Variants in HIBCH observed in about 807,000 individuals in gnomAD.
HIBCH encodes 3-hydroxyisobutyryl-CoA hydrolase, mitochondrial.
HIBCH carries 50 observed loss-of-function variants against 58.2 expected under a neutral mutation model. The ratio of observed to expected loss-of-function variants is 0.86; its 90% confidence interval spans 0.68 to 1.09. The LOEUF (loss-of-function observed/expected upper bound fraction) is 1.09. Ranked by LOEUF, HIBCH falls within the 50% of genes least tolerant of loss-of-function variation. HIBCH has a pLI of 0.00. For synonymous variants in HIBCH, 151 were observed against 146.9 expected (o/e 1.03, Z -0.20); for missense variants, 450 against 449.7 (o/e 1.00, Z -0.01).
intron 2 of HIBCH, among the ~76,000 whole-genome samples, chr2:190,305,732 T>C (rs1343929741): frequency 2.6e-5 from 4 of 152,190 alleles, no homozygotes; most frequent in African/African-American, 9.7e-5. Context: ...AACTTTTCAA[T>C]AGATCTAAAA....
chr2:190,223,381 T>C (rs915914450), intron 11 of HIBCH, among the ~76,000 whole-genome samples: 7 of 152,314 alleles, frequency 4.6e-5, no homozygotes, highest in African/African-American at 1.7e-4. Context: ...ACTACATGCA[T>C]GCCACCATGC....
chr2:190,196,366 T>C lies in HIBCH; in HGVS notation c.*18-6369A>G, dbSNP rs568468489. On this transcript the variant is annotated intron_variant, in intron 1 of 1. Transcript: ENST00000399855. ...CACAATGAATTTTTCATTTCACATC[T>C]TGTACATTTCAGTTACTGATTTTCC... Among the ~76,000 whole-genome samples the C allele has an allele frequency of 2.6e-5, 4 of 152,186 alleles. No individual in the cohort carries two copies. In the South Asian group the frequency reaches 6.2e-4, roughly 24 times the overall value.
intron 11 of HIBCH, among the ~76,000 whole-genome samples, chr2:190,221,986 G>A (rs774344251): frequency 5.9e-4 from 90 of 152,266 alleles, no homozygotes; most frequent in Non-Finnish European, 1.1e-3. Context: ...CCTGGATGTC[G>A]GACAAGAACT....
intron 6 of HIBCH, among the ~76,000 whole-genome samples, chr2:190,268,405 G>C (rs1285654423): frequency 6.6e-6 from 1 of 152,146 alleles, no homozygotes; most frequent in Non-Finnish European, 1.5e-5. Flanking sequence ...CATAACATTT[G>C]AACAAAAATG....
At position 190,287,636 on chromosome 2, in the gene HIBCH, A is replaced by T; in HGVS notation, c.388T>A (p.Ser130Thr). The change falls in exon 6 of 14, where the codon TCT (serine) becomes ACT (threonine). Residue 130 changes from serine to threonine, a missense_variant and splice_region_variant. Physicochemically the swap from Ser to Thr is moderately conservative, Grantham distance 58 (BLOSUM62 1). Coordinates refer to ENST00000359678, the MANE Select transcript of HIBCH (RefSeq NM_014362.4). ...AGTGCAACATAAGGTTTCTGGCAAGAACCTGAAAGAAACAGAGCTGTAATT... is the reference window on the plus strand; with the variant it reads ...AGTGCAACATAAGGTTTCTGGCAAGTACCTGAAAGAAACAGAGCTGTAATT... ...EEYMLNNAVG[S>T]CQKPYVALIH... The T allele has an allele frequency of 6.2e-7, 1 of 1,609,922 alleles. No individual in the cohort carries two copies. The highest frequency in any genetic ancestry group is 8.5e-7 in the Non-Finnish European group (1 of 1,176,426).
At chr2:190,250,173 C>A in intron 8 of HIBCH, 1 of 337,690 alleles carries the variant, frequency 3.0e-6, no homozygotes, top group South Asian at 2.6e-5. Context: ...TTTTACTGTT[C>A]CCAGAGCATA....
At chr2:190,251,449 C>T (rs1214406014) in intron 8 of HIBCH, 7 of 379,494 alleles carry the variant, frequency 1.8e-5, no homozygotes. Flanking sequence ...AAGCAAAATA[C>T]ATCCTAAGTC....
In HIBCH at chr2:190,281,562, T is replaced by C. The variant is rs1003125504; in HGVS notation, c.438+6024A>G. Among the ~76,000 whole-genome samples, 1 of 152,222 alleles carries C rather than the reference T, an allele frequency of 6.6e-6. No homozygotes were observed. The highest frequency in any genetic ancestry group is 2.4e-5 in the African/African-American group (1 of 41,448). On this transcript the variant is annotated intron_variant, in intron 6 of 13. Transcript: ENST00000359678. The surrounding 1 kb of genome is among the most constrained non-coding windows in gnomAD (Gnocchi z 5.4). ...CCTTGAGGGTCTTTCTCCCATTGTCTTGATATTCCCTTCCATTAAGTATTA... is the reference window on the plus strand; with the variant it reads ...CCTTGAGGGTCTTTCTCCCATTGTCCTGATATTCCCTTCCATTAAGTATTA...
intron 2 of HIBCH, among the ~76,000 whole-genome samples, chr2:190,301,772 T>C (rs981686815): frequency 2.5e-4 from 38 of 152,224 alleles, no homozygotes; most frequent in African/African-American, 9.2e-4. Flanking sequence ...ATTCAGTGCC[T>C]GGTGAGACCC....
At chr2:190,208,803 C>T in intron 13 of HIBCH, 77 bp downstream of exon 13, 2 of 1,299,048 alleles carry the variant, frequency 1.5e-6, no homozygotes, top group Non-Finnish European at 2.2e-6. Context: ...GATGCATAAT[C>T]TGTATCTTCT....
At chr2:190,285,180 C>G (rs1046234112) in intron 6 of HIBCH, among the ~76,000 whole-genome samples, 5 of 152,166 alleles carry the variant, frequency 3.3e-5, no homozygotes, top group African/African-American at 1.2e-4. Context: ...CCCAGTCATC[C>G]TCCCTGTTTC....
chr2:190,261,352 A>C (rs891931167), intron 6 of HIBCH, 118 bp from the exon 7 acceptor site: 9 of 738,258 alleles, frequency 1.2e-5, no homozygotes, highest in Non-Finnish European at 2.1e-5. Context: ...ACTCCACAGG[A>C]ACTTGCTTCA....
In HIBCH at chr2:190,281,167, T is replaced by C. The variant is rs1687695743; in HGVS notation, c.438+6419A>G. 1 of 152,398 alleles carries C rather than the reference T, an allele frequency of 6.6e-6. No individual in the cohort carries two copies. Among genetic ancestry groups the C allele is most frequent in the Admixed American group, 6.5e-5 (1 of 15,278 alleles). The allele number at this position is 152,398 out of a possible 1,614,324, so 9.4% of individuals were successfully genotyped here. Reference sequence around the variant, plus strand: ...TTGGCATTCTCCAGAATGGACTCTCTGTGGTGGCTCCACCCCTGCAACAAA... The same window carrying C: ...TTGGCATTCTCCAGAATGGACTCTCCGTGGTGGCTCCACCCCTGCAACAAA... On this transcript the variant is annotated intron_variant, in intron 6 of 13. Transcript: ENST00000359678. The surrounding 1 kb of genome is among the most constrained non-coding windows in gnomAD (Gnocchi z 5.4).
At chr2:190,265,402 T>C (rs1687204586) in intron 6 of HIBCH, among the ~76,000 whole-genome samples, 1 of 152,040 alleles carries the variant, frequency 6.6e-6, no homozygotes, top group South Asian at 2.1e-4. Flanking sequence ...ATCCTCTTTG[T>C]GAAATGTCTG....
rs1686797816 is a variant in HIBCH, at chr2:190,252,292, A to C, written c.533T>G (p.Val178Gly). The part of the protein sequence containing the change: ...PETAIGLFPD[V>G]GGGYFLPRLQ... Reference sequence around the variant, plus strand: ...TCGTGGCAAGAAATAACCTCCACCCACATCAGGGAACAGTCCTGTAATTAA... The same window carrying C: ...TCGTGGCAAGAAATAACCTCCACCCCCATCAGGGAACAGTCCTGTAATTAA... The change falls in exon 8 of 14, where the codon GTG becomes GGG. Residue 178 changes from valine to glycine, a missense_variant. Coordinates refer to ENST00000359678, the MANE Select transcript of HIBCH (RefSeq NM_014362.4). 6.2e-7 allele frequency: 1 copy of C among 1,613,058 alleles called. No homozygotes were observed. Among genetic ancestry groups the C allele is most frequent in the East Asian group, 2.2e-5 (1 of 44,832 alleles).
intron 9 of HIBCH, among the ~76,000 whole-genome samples, chr2:190,248,627 TGAG>T (rs1483302662): frequency 6.6e-6 from 1 of 152,074 alleles, no homozygotes; most frequent in Non-Finnish European, 1.5e-5. Flanking sequence ...TTTGGGAAGC[TGAG>T]GAGGGTGGAT....
intron 6 of HIBCH, among the ~76,000 whole-genome samples, chr2:190,286,710 T>C (rs898214448): frequency 6.6e-6 from 1 of 152,250 alleles, no homozygotes; most frequent in Admixed American, 6.5e-5. Flanking sequence ...AGTTACATTT[T>C]AGACTTCTCT....
chr2:190,229,776 G>A (rs553701979), intron 11 of HIBCH, among the ~76,000 whole-genome samples: 1 of 151,110 alleles, frequency 6.6e-6, no homozygotes, highest in Non-Finnish European at 1.5e-5. Context: ...TTCTACAAGG[G>A]CAAATAGTGC....
chr2:190,195,470 A>G (rs919310678), intron 1 of HIBCH, among the ~76,000 whole-genome samples: 3 of 152,198 alleles, frequency 2.0e-5, no homozygotes, highest in Non-Finnish European at 4.4e-5. Flanking sequence ...TGCTTTTGCC[A>G]TTATCTCACT....
Sources: allele counts gnomAD v4.1 joint callset (sites outside exome capture counted in the v4.1 genomes callset), GRCh38; gene constraint gnomAD v4.1.1; non-coding constraint Gnocchi (gnomAD v3.1); transcripts MANE v1.5; gene names NCBI Gene and HGNC (gene_info 2026-07-23, HGNC 2026-07-21).